LPCAT3: variants seen among roughly 807,000 people sequenced by gnomAD.
LPCAT3 encodes the protein lysophospholipid acyltransferase 5.
In LPCAT3, 21 loss-of-function variants were observed where a neutral mutation model predicts 63.4. The ratio of observed to expected loss-of-function variants is 0.33; its 90% CI spans 0.23 to 0.48. The LOEUF is 0.48. Ranked by LOEUF, LPCAT3 falls within the 20% of genes least tolerant of loss-of-function variation. The probability of loss-of-function intolerance (pLI) is 0.99; values close to 1 mark genes in which losing one functional copy is unlikely to be tolerated. For synonymous variants in LPCAT3, 242 were observed against 227.5 expected (o/e 1.06, Z -0.58); for missense variants, 451 against 590.6 (o/e 0.76, Z 2.45).
intron 1 of LPCAT3, among the ~76,000 whole-genome samples, chr12:7,004,561 T>C (rs1385644507): frequency 2.6e-5 from 4 of 152,172 alleles, no homozygotes; most frequent in Non-Finnish European, 5.9e-5. Context: ...TCTGCTATAT[T>C]ACCCTCTCTA....
intron 1 of LPCAT3, among the ~76,000 whole-genome samples, chr12:7,002,860 T>C (rs781966291): frequency 5.5e-4 from 83 of 152,110 alleles, no homozygotes; most frequent in African/African-American, 1.9e-3. Flanking sequence ...AATACAAAAG[T>C]TAGCTGGGCG....
intron 3 of LPCAT3, among the ~76,000 whole-genome samples, chr12:6,982,323 G>A (rs1229424879): frequency 6.6e-6 from 1 of 152,204 alleles, no homozygotes; most frequent in African/African-American, 2.4e-5. Context: ...ACAGGTGTGA[G>A]CCACTTTGCC....
At position 6,979,491 on chromosome 12, in the gene LPCAT3, G is replaced by T; in HGVS notation, c.766C>A (p.Leu256Ile). ...LLSPHITEDYLLTEDYDNHPF... is the reference protein window; with the variant it reads ...LLSPHITEDYILTEDYDNHPF... ...CTCACGTCATAGTCTTCAGTGAGGAGATAGTCTTCTGTGATGTGGGGGCTG... is the reference window on the plus strand; with the variant it reads ...CTCACGTCATAGTCTTCAGTGAGGATATAGTCTTCTGTGATGTGGGGGCTG... Residue 256 changes from leucine (L) to isoleucine (I), a missense_variant, in exon 7 of 13, where the codon CTC becomes ATC. Transcript: ENST00000261407. 6.2e-7 allele frequency: 1 copy of T among 1,613,090 alleles called. No individual in the cohort carries two copies. The highest frequency in any genetic ancestry group is 8.5e-7 in the Non-Finnish European group (1 of 1,179,004).
chr12:6,981,520 TCA>T (rs1277506314), intron 5 of LPCAT3, 73 bp downstream of exon 5: 4 of 1,470,764 alleles, frequency 2.7e-6, no homozygotes, highest in African/African-American at 2.8e-5. Context: ...GAATTTGGGT[TCA>T]GTCTTTTGTT....
At chr12:6,990,252 G>A (rs1555155304) in intron 1 of LPCAT3, among the ~76,000 whole-genome samples, 1 of 151,668 alleles carries the variant, frequency 6.6e-6, no homozygotes, top group African/African-American at 2.4e-5. Context: ...GCTCATGCCT[G>A]TAATCCCAGC....
rs782313717 is a variant in LPCAT3 at position 7,018,443 on chromosome 12, A to G, written c.-19T>C. On this transcript the variant is annotated 5_prime_UTR_variant, in exon 1 of 13. Coordinates refer to ENST00000261407, the MANE Select transcript of LPCAT3 (RefSeq NM_005768.6). The surrounding 1 kb of genome is among the most constrained non-coding windows in gnomAD (Gnocchi z 4.9). ...ACGCCATCTTAACTCCGGGAGCCCC[A>G]CAGGGACCCCCCAGCTCCGCGCGCC... 1.9e-6 allele frequency: 3 copies of G among 1,582,986 alleles called. No individual in the cohort carries two copies. The highest frequency in any genetic ancestry group is 2.6e-6 in the Non-Finnish European group (3 of 1,162,372).
intron 7 of LPCAT3, 127 bp from the exon 8 acceptor site, chr12:6,978,816 CAAT>C: frequency 1.4e-6 from 2 of 1,380,668 alleles, no homozygotes; most frequent in Non-Finnish European, 2.0e-6. Context: ...CAGATGCCCT[CAAT>C]AGTCTGGCCT....
chr12:7,002,187 C>G (rs1016405527), intron 1 of LPCAT3, among the ~76,000 whole-genome samples: 1 of 152,140 alleles, frequency 6.6e-6, no homozygotes, highest in Non-Finnish European at 1.5e-5. Flanking sequence ...TCTTTCTCTC[C>G]TGCCCTCTCT....
intron 1 of LPCAT3, among the ~76,000 whole-genome samples, chr12:7,011,539 C>T (rs1050617913): frequency 6.6e-6 from 1 of 151,068 alleles, no homozygotes; most frequent in Non-Finnish European, 1.5e-5. Context: ...GTTCCAGCTA[C>T]TCAGGAGGCT....
At chr12:7,005,872 A>G (rs2138356981) in intron 1 of LPCAT3, among the ~76,000 whole-genome samples, 1 of 152,206 alleles carries the variant, frequency 6.6e-6, no homozygotes, top group Non-Finnish European at 1.5e-5. Context: ...ATAGCTTTTT[A>G]CTTTCTTGAT....
chr12:7,013,886 C>T (rs1555157400), intron 1 of LPCAT3, among the ~76,000 whole-genome samples: 1 of 152,254 alleles, frequency 6.6e-6, no homozygotes, highest in Admixed American at 6.5e-5. Context: ...CCAATGTTCC[C>T]TATCACCTAC....
chr12:6,994,651 C>T (rs782779337), intron 1 of LPCAT3, among the ~76,000 whole-genome samples: 2 of 152,156 alleles, frequency 1.3e-5, no homozygotes, highest in East Asian at 3.9e-4. Context: ...GTTGGAGTTT[C>T]ACCATGTTGC....
chr12:6,992,278 A>G (rs1443140048), intron 1 of LPCAT3, among the ~76,000 whole-genome samples: 2 of 151,842 alleles, frequency 1.3e-5, no homozygotes, highest in African/African-American at 2.4e-5. Flanking sequence ...GGCGGCAGTG[A>G]GCTGTGATGC....
At chr12:7,007,023 C>T (rs1946729555) in intron 1 of LPCAT3, among the ~76,000 whole-genome samples, 1 of 152,114 alleles carries the variant, frequency 6.6e-6, no homozygotes, top group African/African-American at 2.4e-5. Context: ...ACAGAATGTA[C>T]ACATGGATCT....
At chr12:7,012,166 A>G (rs151045549) in intron 1 of LPCAT3, among the ~76,000 whole-genome samples, 1 of 152,332 alleles carries the variant, frequency 6.6e-6, no homozygotes, top group African/African-American at 2.4e-5. Context: ...AGACTAGGGA[A>G]CACTCACAGT....
chr12:6,981,728 C>T (rs150588433), intron 4 of LPCAT3, 83 bp downstream of exon 4: 163 of 177,606 alleles, frequency 9.2e-4, no homozygotes, highest in Non-Finnish European at 1.5e-3. Flanking sequence ...TGGCGGGGGG[C>T]GGAGGGGGGG....
At chr12:7,011,128 G>A (rs1418166703) in intron 1 of LPCAT3, among the ~76,000 whole-genome samples, 1 of 152,088 alleles carries the variant, frequency 6.6e-6, no homozygotes, top group African/African-American at 2.4e-5. Flanking sequence ...GGAGGACCCC[G>A]GGCTCCAGTG....
chr12:7,015,089 G>A (rs900265128), intron 1 of LPCAT3, among the ~76,000 whole-genome samples: 4 of 152,104 alleles, frequency 2.6e-5, no homozygotes, highest in East Asian at 1.9e-4. Context: ...TATTTCTTAC[G>A]ATGGATCTTA....
At chr12:7,001,698 C>T (rs1039835407) in intron 1 of LPCAT3, among the ~76,000 whole-genome samples, 2 of 152,136 alleles carry the variant, frequency 1.3e-5, no homozygotes, top group African/African-American at 4.8e-5. Context: ...GGCAGCAAGA[C>T]TGTGAGTCTG....
Sources: gnomAD v4.1 joint callset for allele counts (sites outside exome capture counted in the v4.1 genomes callset) on GRCh38, gnomAD v4.1.1 for gene constraint, Gnocchi (gnomAD v3.1) non-coding constraint, MANE v1.5 for transcripts, NCBI Gene and HGNC (gene_info 2026-07-23, HGNC 2026-07-21) for gene names.